Variants in NBDY observed in about 807,000 individuals in gnomAD.
The protein encoded by NBDY is negative regulator of P-body association.
intron 2 of NBDY, among the ~76,000 whole-genome samples, chrX:56,812,080 C>T (rs975165422): frequency 9.0e-6 from 1 of 111,114 alleles, no homozygotes; most frequent in African/African-American, 3.3e-5. Context: ...TTGGGCTGCA[C>T]CCACTATCCA....
intron 2 of NBDY, among the ~76,000 whole-genome samples, chrX:56,766,634 C>T (rs1471739933): frequency 8.9e-6 from 1 of 112,059 alleles, no homozygotes; most frequent in Non-Finnish European, 1.9e-5. Context: ...GACAGAGGAG[C>T]ATTCCTGCCT....
At chrX:56,753,659 AG>A (rs1436920107) in intron 2 of NBDY, among the ~76,000 whole-genome samples, 1 of 111,919 alleles carries the variant, frequency 8.9e-6, no homozygotes, top group Non-Finnish European at 1.9e-5. Context: ...AAAGTAAAAA[AG>A]GTAAGCAGAA....
chrX:56,796,918 A>G (rs1380338873), intron 2 of NBDY, among the ~76,000 whole-genome samples: 2 of 111,823 alleles, frequency 1.8e-5, no homozygotes, highest in South Asian at 7.6e-4. Flanking sequence ...TGTGTATGTC[A>G]TCACACATTC....
At chrX:56,793,097 C>A (rs953585426) in intron 2 of NBDY, among the ~76,000 whole-genome samples, 1 of 111,828 alleles carries the variant, frequency 8.9e-6, no homozygotes, top group Non-Finnish European at 1.9e-5. Context: ...GAGTGTCCCC[C>A]GTGAGGGAGA....
At chrX:56,807,307 G>A (rs1336664348) in intron 2 of NBDY, among the ~76,000 whole-genome samples, 4 of 111,673 alleles carry the variant, frequency 3.6e-5, no homozygotes, top group Non-Finnish European at 5.6e-5. Context: ...GCTCTTTTTT[G>A]GTTCCATTTG....
chrX:56,750,138 GC>G (rs1229415649), intron 2 of NBDY, among the ~76,000 whole-genome samples: 2 of 111,418 alleles, frequency 1.8e-5, no homozygotes, highest in South Asian at 3.8e-4. Context: ...GAGTGAAAAT[GC>G]CGATTTTTAA....
intron 2 of NBDY, among the ~76,000 whole-genome samples, chrX:56,767,691 A>ATAAT (rs1405845493): frequency 8.9e-6 from 1 of 112,766 alleles, no homozygotes. Context: ...ACTTTCTTTT[A>ATAAT]TAATTATGTT....
At chrX:56,751,121 A>C (rs1263402453) in intron 2 of NBDY, among the ~76,000 whole-genome samples, 1 of 110,257 alleles carries the variant, frequency 9.1e-6, no homozygotes, top group Non-Finnish European at 1.9e-5. Context: ...CCTCATCCCA[A>C]ACTCACACAA....
At position 56,809,009 on chromosome X, in the gene NBDY, G is replaced by A. The variant is rs78268343; in HGVS notation, c.*167-8311G>A. On this transcript the variant is annotated intron_variant, in intron 2 of 2. Transcript: ENST00000374922. ...ACATATTTATTTCTGCCTTTATTTC[G>A]TTATTTACGCAGTAGTCATTCAGAT... Among the ~76,000 whole-genome samples, 15 of 112,201 alleles carry A rather than the reference G, an allele frequency of 1.3e-4. No individual in the cohort carries two copies. In the East Asian group the frequency reaches 1.9e-3, roughly 15 times the overall value.
chrX:56,736,138 G>A (rs774164952), intron 2 of NBDY, among the ~76,000 whole-genome samples: 1 of 111,715 alleles, frequency 9.0e-6, no homozygotes, highest in Non-Finnish European at 1.9e-5. Context: ...GCAATGACTC[G>A]TCCTGGAAAA....
chrX:56,730,513 CAAAA>C (rs1157131797), intron 1 of NBDY, among the ~76,000 whole-genome samples: 5 of 11,215 alleles, frequency 4.5e-4, no homozygotes, highest in Admixed American at 2.5e-3. Context: ...AACTACGTCT[CAAAA>C]AAAAAAAAAA....
chrX:56,814,139 G>A (rs999831398), intron 2 of NBDY, among the ~76,000 whole-genome samples: 4 of 110,730 alleles, frequency 3.6e-5, no homozygotes, highest in African/African-American at 9.8e-5. Flanking sequence ...TTTCTGGACC[G>A]AAGGTAGTCA....
chrX:56,809,986 G>T (rs1468866348), intron 2 of NBDY, among the ~76,000 whole-genome samples: 2 of 111,708 alleles, frequency 1.8e-5, no homozygotes, highest in African/African-American at 6.5e-5. Context: ...TGTCTGTAAA[G>T]GATTTTATTT....
chrX:56,734,540 A>C (rs2069476792), intron 2 of NBDY, among the ~76,000 whole-genome samples: 1 of 112,456 alleles, frequency 8.9e-6, no homozygotes, highest in African/African-American at 3.2e-5. Context: ...AATTAGCAAG[A>C]TTTTAATGTT....
chrX:56,744,214 T>C (rs757856766), intron 2 of NBDY, among the ~76,000 whole-genome samples: 32 of 111,893 alleles, frequency 2.9e-4, no homozygotes, highest in African/African-American at 9.7e-4. Flanking sequence ...TTTTAAGACT[T>C]GTATTGTGAC....
intron 2 of NBDY, among the ~76,000 whole-genome samples, chrX:56,739,947 T>C (rs1231349064): frequency 3.6e-5 from 4 of 111,973 alleles, no homozygotes; most frequent in Non-Finnish European, 7.5e-5. Context: ...ATTTATTAGT[T>C]TATATTCTAC....
chrX:56,749,544 A>C (rs1195915551), intron 2 of NBDY, among the ~76,000 whole-genome samples: 3 of 111,614 alleles, frequency 2.7e-5, no homozygotes, highest in Non-Finnish European at 5.6e-5. Flanking sequence ...CCAGATAACA[A>C]CACACATGCA....
chrX:56,767,652 C>A (rs1441550477), intron 2 of NBDY, among the ~76,000 whole-genome samples: 5 of 113,530 alleles, frequency 4.4e-5, no homozygotes, highest in African/African-American at 1.6e-4. Context: ...AGCTACTGTG[C>A]TCCACTTCTC....
intron 2 of NBDY, among the ~76,000 whole-genome samples, chrX:56,793,426 G>T (rs1310981335): frequency 1.8e-5 from 2 of 111,371 alleles, no homozygotes; most frequent in African/African-American, 6.6e-5. Context: ...TGGTCCTAGG[G>T]TCCCCTAAAT....
Sources: allele counts gnomAD v4.1 joint callset (sites outside exome capture counted in the v4.1 genomes callset), GRCh38; gene constraint gnomAD v4.1.1; transcripts MANE v1.5; gene names NCBI Gene and HGNC (gene_info 2026-07-23, HGNC 2026-07-21).